Variants in HEYL observed in about 807,000 individuals in gnomAD.
HEYL encodes the protein hes related family bHLH transcription factor with YRPW motif like, also known as hairy/enhancer-of-split related with YRPW motif-like protein.
A neutral mutation model predicts 18.6 loss-of-function variants in HEYL; 12 were observed. The ratio of observed to expected loss-of-function variants is 0.65; its 90% confidence interval spans 0.41 to 1.05. The LOEUF (loss-of-function observed/expected upper bound fraction) is 1.05, where lower values mean the gene tolerates loss of function less well. HEYL is among the 50% of genes least tolerant of loss of function. The pLI is 0.00. For synonymous variants in HEYL, 159 were observed against 179.6 expected (o/e 0.89, Z 0.91); for missense variants, 420 against 444.7 (o/e 0.94, Z 0.50).
At chr1:39,639,285 C>T (rs564747520) in intron 1 of HEYL, among the ~76,000 whole-genome samples, 1 of 152,346 alleles carries the variant, frequency 6.6e-6, no homozygotes, top group African/African-American at 2.4e-5. Flanking sequence ...ACCCACTAGC[C>T]ACCTGATCCC....
At position 39,625,369 on chromosome 1, in the gene HEYL, C is replaced by G. The variant is rs1181454968; in HGVS notation, c.*1138G>C. 1 of 152,232 alleles carries G rather than the reference C, an allele frequency of 6.6e-6. No homozygotes were observed. Among genetic ancestry groups the G allele is most frequent in the Non-Finnish European group, 1.5e-5 (1 of 68,064 alleles). The allele number at this position is 152,232 out of a possible 1,614,324, so 9.4% of individuals were successfully genotyped here. On this transcript the variant is annotated 3_prime_UTR_variant, in exon 5 of 5. Transcript: ENST00000372852. ...GGAATGAAATGGCTTCTGAGCAGAG[C>G]CAGCTCTGTGGAGTCCTGGTGAACA...
intron 1 of HEYL, 45 bp downstream of exon 1, chr1:39,639,501 C>T (rs1416672339): frequency 1.3e-6 from 2 of 1,501,308 alleles, no homozygotes; most frequent in Admixed American, 1.9e-5. Context: ...CGACCCCCAC[C>T]CCGCTCGCCC....
At chr1:39,636,502 G>A (rs1030067245) in intron 1 of HEYL, among the ~76,000 whole-genome samples, 2 of 152,050 alleles carry the variant, frequency 1.3e-5, no homozygotes, top group Non-Finnish European at 1.5e-5. Context: ...TCTTGACCTC[G>A]TGATCCACCC....
intron 1 of HEYL, among the ~76,000 whole-genome samples, chr1:39,635,345 T>TC (rs1469349050): frequency 6.6e-6 from 1 of 152,086 alleles, no homozygotes; most frequent in Non-Finnish European, 1.5e-5. Context: ...CGGCCTTTGT[T>TC]CCCCCCAGCT....
chr1:39,627,195 G>T lies in HEYL; in HGVS notation c.314-15C>A. ...ATCAAAGAATCCTGCAAAGGGAGGC[G>T]TGATGAAGGTCATGCCAGGTGTGGG... On this transcript the variant is annotated splice_polypyrimidine_tract_variant and intron_variant, in intron 4 of 4. Transcript: ENST00000372852. The T allele has an allele frequency of 6.2e-7, 1 of 1,602,318 alleles. No individual in the cohort carries two copies. The highest frequency in any genetic ancestry group is 8.5e-7 in the Non-Finnish European group (1 of 1,171,998).
intron 1 of HEYL, among the ~76,000 whole-genome samples, chr1:39,636,706 T>G (rs1255716329): frequency 6.6e-6 from 1 of 152,228 alleles, no homozygotes; most frequent in Non-Finnish European, 1.5e-5. Context: ...AATAGCACTG[T>G]AAGTGAAGTA....
Position 39,627,193 on chromosome 1 carries a change from G to A in HEYL, c.314-13C>T. On this transcript the variant is annotated splice_polypyrimidine_tract_variant and intron_variant, in intron 4 of 4. Coordinates refer to ENST00000372852, the MANE Select transcript of HEYL (RefSeq NM_014571.4). ...GCATCAAAGAATCCTGCAAAGGGAG[G>A]CGTGATGAAGGTCATGCCAGGTGTG... 6.2e-7 allele frequency: 1 copy of A among 1,604,656 alleles called. No homozygotes were observed. Among genetic ancestry groups the A allele is most frequent in the South Asian group, 1.1e-5 (1 of 90,270 alleles).
In HEYL at chr1:39,625,545, C is replaced by A; in HGVS notation, c.*962G>T. The A allele has an allele frequency of 6.6e-6, 1 of 152,476 alleles. No homozygotes were observed. Among genetic ancestry groups the A allele is most frequent in the Non-Finnish European group, 1.5e-5 (1 of 68,110 alleles). 9.4% of individuals were successfully genotyped at this position (152,476 alleles called of 1,614,324 possible). ...TGGGCTCTGTGAGCCGGATGCAAACCAGGCAGCACAGACGTCTGGTGCTGA... is the reference window on the plus strand; with the variant it reads ...TGGGCTCTGTGAGCCGGATGCAAACAAGGCAGCACAGACGTCTGGTGCTGA... On this transcript the variant is annotated 3_prime_UTR_variant, in exon 5 of 5. Coordinates refer to ENST00000372852, the MANE Select transcript of HEYL (RefSeq NM_014571.4).
rs540263816 is a variant in HEYL at position 39,628,803 on chromosome 1, C to T, written c.313+1424G>A. The stretch of plus-strand genomic sequence containing the variant: ...ATTTTTAGTAGAGATGGGGTTTCAC[C>T]GTGTTAGCCAGGATGGTCTCGATCT... On this transcript the variant is annotated intron_variant, in intron 4 of 4. Transcript: ENST00000372852. Among the ~76,000 whole-genome samples the T allele has an allele frequency of 5.9e-5, 9 of 151,868 alleles. No homozygotes were observed. In the East Asian group the frequency reaches 1.2e-3, roughly 20 times the overall value.
intron 2 of HEYL, 112 bp downstream of exon 2, chr1:39,632,537 A>C: frequency 2.1e-6 from 2 of 946,570 alleles, no homozygotes; most frequent in Non-Finnish European, 3.2e-6. Context: ...TTTGAACCCA[A>C]GCAGTTAGCT....
At chr1:39,627,489 T>G (rs1159733455) in intron 4 of HEYL, among the ~76,000 whole-genome samples, 1 of 152,244 alleles carries the variant, frequency 6.6e-6, no homozygotes, top group Non-Finnish European at 1.5e-5. Flanking sequence ...CCAAGATAAC[T>G]TCATTGAAGT....
chr1:39,637,509 A>G (rs1646367149), intron 1 of HEYL, among the ~76,000 whole-genome samples: 1 of 152,148 alleles, frequency 6.6e-6, no homozygotes, highest in Admixed American at 6.5e-5. Flanking sequence ...TGCCCAGCCC[A>G]GGGTCTGGGC....
intron 3 of HEYL, among the ~76,000 whole-genome samples, 169 bp from the exon 4 acceptor site, chr1:39,630,477 T>C (rs1557737576): frequency 6.6e-6 from 1 of 152,130 alleles, no homozygotes; most frequent in Non-Finnish European, 1.5e-5. Flanking sequence ...TCTTTTCAGT[T>C]CTCCTCTCAG....
intron 1 of HEYL, among the ~76,000 whole-genome samples, chr1:39,635,518 G>A (rs1646358037): frequency 2.0e-5 from 3 of 152,236 alleles, no homozygotes; most frequent in South Asian, 4.2e-4. Context: ...TGTCCCTGTC[G>A]TATTATTTCC....
intron 1 of HEYL, among the ~76,000 whole-genome samples, chr1:39,637,510 G>A (rs942777160): frequency 4.6e-5 from 7 of 152,324 alleles, no homozygotes; most frequent in Admixed American, 1.3e-4. Flanking sequence ...GCCCAGCCCA[G>A]GGTCTGGGCC....
In HEYL at chr1:39,639,635, A is replaced by G. The variant is rs1396073834; in HGVS notation, c.-10T>C. The G allele has an allele frequency of 2.6e-6, 4 of 1,544,930 alleles. No homozygotes were observed. The highest frequency in any genetic ancestry group is 3.5e-6 in the Non-Finnish European group (4 of 1,152,302). ...CCTTGGGTCGCTTCATGGCGAACGCAGGCTGCCTGGTCTCAGCCCCGCGGC... is the reference window on the plus strand; with the variant it reads ...CCTTGGGTCGCTTCATGGCGAACGCGGGCTGCCTGGTCTCAGCCCCGCGGC... On this transcript the variant is annotated 5_prime_UTR_variant, in exon 1 of 5. Transcript: ENST00000372852.
At position 39,623,553 on chromosome 1, in the gene HEYL, G is replaced by C. The variant is rs1309186880; in HGVS notation, c.*2954C>G. On this transcript the variant is annotated 3_prime_UTR_variant, in exon 5 of 5. Coordinates refer to ENST00000372852, the MANE Select transcript of HEYL (RefSeq NM_014571.4). ...CACCTGGCCTCATGAGCTTACACTC[G>C]AGTGGGAGGCACAGTCAACCAACAA... 1.3e-5 allele frequency among the ~76,000 whole-genome samples: 2 copies of C among 152,252 alleles called. No individual in the cohort carries two copies. Among genetic ancestry groups the C allele is most frequent in the African/African-American group, 2.4e-5 (1 of 41,474 alleles).
In HEYL at chr1:39,623,972, C is replaced by T. The variant is rs1557735136; in HGVS notation, c.*2535G>A. On this transcript the variant is annotated 3_prime_UTR_variant, in exon 5 of 5. Transcript: ENST00000372852. ...TCAAACTAAAGATGATACGATATGA[C>T]CTGCAGCTTTCAATTTCTCTCTGCT... is the stretch of plus-strand genomic sequence containing the variant. Among the ~76,000 whole-genome samples the T allele has an allele frequency of 1.3e-5, 2 of 152,184 alleles. No individual in the cohort carries two copies. The highest frequency in any genetic ancestry group is 4.8e-5 in the African/African-American group (2 of 41,430).
chr1:39,628,646 A>G (rs1419298944), intron 4 of HEYL, among the ~76,000 whole-genome samples: 4 of 149,928 alleles, frequency 2.7e-5, no homozygotes, highest in Non-Finnish European at 4.4e-5. Flanking sequence ...CGCCCAGGCT[A>G]GAGTGCAGTG....
Sources: allele counts gnomAD v4.1 joint callset (sites outside exome capture counted in the v4.1 genomes callset), GRCh38; gene constraint gnomAD v4.1.1; transcripts MANE v1.5; gene names NCBI Gene and HGNC (gene_info 2026-07-23, HGNC 2026-07-21).